The following USP20 variants were observed in gnomAD, a reference collection of about 807,000 sequenced individuals.
The protein encoded by USP20 is ubiquitin carboxyl-terminal hydrolase 20.
Under a neutral mutation model 124.2 loss-of-function variants are expected in USP20, and 80 were observed. The ratio of observed to expected loss-of-function variants is 0.64; its 90% CI spans 0.54 to 0.78. The LOEUF (loss-of-function observed/expected upper bound fraction) is 0.78, where lower values mean the gene tolerates loss of function less well. USP20 is among the 30% of genes least tolerant of loss of function. USP20 has a pLI of 0.00. For missense variants in USP20, 1,043 were observed against 1,244.4 expected, an observed-to-expected ratio of 0.84 and a Z score of 2.44; for synonymous variants, 481 against 512.3, an observed-to-expected ratio of 0.94 and a Z score of 0.83.
chr9:129,875,744 C>T, intron 21 of USP20, 103 bp downstream of exon 21: 2 of 1,145,988 alleles, frequency 1.7e-6, no homozygotes, highest in South Asian at 1.4e-5. Context: ...CCCCACACCA[C>T]ACTCTGGCCT....
At chr9:129,866,062 C>G (rs72757205) in intron 10 of USP20, among the ~76,000 whole-genome samples, 1 of 152,224 alleles carries the variant, frequency 6.6e-6, no homozygotes, top group Non-Finnish European at 1.5e-5. Context: ...ACCTCAGCCC[C>G]GGGCTGATGG....
In USP20 at chr9:129,869,732, C is replaced by A. The variant is rs372915705; in HGVS notation, c.1453C>A (p.Leu485Met). The A allele has an allele frequency of 2.5e-6, 4 of 1,614,128 alleles. No homozygotes were observed. The highest frequency in any genetic ancestry group is 3.4e-6 in the Non-Finnish European group (4 of 1,180,034). ...ACTGCCCATTCCTGGAAAGGAGGAC[C>A]TGGCCAAGCTCCATTCAGCCATCTA... ...LSLPIPGKED[L>M]AKLHSAIYQN... Residue 485 changes from leucine to methionine, a missense_variant, in exon 14 of 26, where the codon CTG (leucine) becomes ATG (methionine). By Grantham distance (15) the Leu-to-Met change is conservative. Transcript: ENST00000372429.
chr9:129,880,207 G>A lies in USP20; in HGVS notation c.2679G>A (p.Ala893=), dbSNP rs770163008. 25 of 1,613,414 alleles carry A rather than the reference G, an allele frequency of 1.5e-5. No homozygotes were observed. The highest frequency in any genetic ancestry group is 6.7e-5 in the African/African-American group (5 of 74,930). The change falls in exon 25 of 26, where the codon GCG becomes GCA. Residue 893 remains alanine (A), a synonymous_variant. Transcript: ENST00000372429. ...AGATTGCCATCCGCCAGAGTGTGGC[G>A]CAGCCGCTGGGCCCAGAGAACCTGC... ...GPEIAIRQSV[A]QPLGPENLHG...
At chr9:129,841,753 C>T (rs974620540) in intron 1 of USP20, among the ~76,000 whole-genome samples, 5 of 152,170 alleles carry the variant, frequency 3.3e-5, no homozygotes, top group African/African-American at 1.2e-4. Flanking sequence ...AGTTGCCTTT[C>T]CTGGCTTTTT....
At chr9:129,843,833 G>A (rs1025624539) in intron 1 of USP20, among the ~76,000 whole-genome samples, 3 of 152,194 alleles carry the variant, frequency 2.0e-5, no homozygotes, top group African/African-American at 4.8e-5. Flanking sequence ...GGAGTCCAAG[G>A]CAGGCAGATT....
intron 8 of USP20, among the ~76,000 whole-genome samples, chr9:129,861,900 C>T (rs2033568897): frequency 6.6e-6 from 1 of 152,122 alleles, no homozygotes; most frequent in South Asian, 2.1e-4. Context: ...ATTCTCATAG[C>T]CCTTGCAGCA....
intron 22 of USP20, among the ~76,000 whole-genome samples, chr9:129,877,089 G>T (rs899087681): frequency 6.6e-6 from 1 of 152,156 alleles, no homozygotes; most frequent in Non-Finnish European, 1.5e-5. Context: ...TTCTGTGAGG[G>T]AGCTGAGTGC....
At position 129,873,572 on chromosome 9, in the gene USP20, C is replaced by A. The variant is rs371366216; in HGVS notation, c.1694+57C>A. ...CTGCCGTTTCTGTGCCCTACATATT[C>A]CCCTTGGGTTCCTGCAGAGAGCCCC... On this transcript the variant is annotated intron_variant, in intron 16 of 25. Coordinates refer to ENST00000372429, the MANE Select transcript of USP20 (RefSeq NM_001110303.4). The A allele has an allele frequency of 7.7e-5, 125 of 1,613,560 alleles. No individual in the cohort carries two copies. In the African/African-American group the frequency reaches 1.5e-3, roughly 19 times the overall value.
At chr9:129,867,032 A>T (rs1001330583) in intron 10 of USP20, among the ~76,000 whole-genome samples, 16 of 152,240 alleles carry the variant, frequency 1.1e-4, no homozygotes, top group African/African-American at 3.9e-4. Context: ...GATGTGTGAC[A>T]TGAGGCTGGC....
chr9:129,861,452 G>A, intron 7 of USP20, 91 bp from the exon 8 acceptor site: 1 of 1,211,326 alleles, frequency 8.3e-7, no homozygotes, highest in Non-Finnish European at 1.2e-6. Context: ...GGGCAGTTGA[G>A]AGCCACACCT....
intron 6 of USP20, among the ~76,000 whole-genome samples, chr9:129,859,535 A>G (rs1022604994): frequency 1.1e-4 from 17 of 151,742 alleles, no homozygotes; most frequent in Admixed American, 6.6e-5. Flanking sequence ...TGGCCTCCCA[A>G]AGTGCTGGGA....
chr9:129,865,525 C>T (rs2033781133), intron 10 of USP20, 144 bp downstream of exon 10: 2 of 808,024 alleles, frequency 2.5e-6, no homozygotes, highest in East Asian at 2.7e-5. Context: ...CTCCTAAGCC[C>T]TTCACACGTG....
chr9:129,863,618 G>A (rs575942408), intron 9 of USP20, among the ~76,000 whole-genome samples: 1 of 152,302 alleles, frequency 6.6e-6, no homozygotes, highest in African/African-American at 2.4e-5. Flanking sequence ...ATGGTGACCC[G>A]GCCTCAGCCA....
At chr9:129,859,759 G>A (rs2033438430) in intron 6 of USP20, among the ~76,000 whole-genome samples, 1 of 152,204 alleles carries the variant, frequency 6.6e-6, no homozygotes, top group Non-Finnish European at 1.5e-5. Context: ...TACAGGCTGG[G>A]CGCCATGGCT....
intron 6 of USP20, among the ~76,000 whole-genome samples, chr9:129,860,199 G>A (rs775546313): frequency 6.6e-6 from 1 of 151,856 alleles, no homozygotes; most frequent in Non-Finnish European, 1.5e-5. Context: ...GCATAGTAGC[G>A]GGCACCTGTA....
intron 3 of USP20, among the ~76,000 whole-genome samples, chr9:129,854,712 A>G (rs769502533): frequency 1.5e-4 from 23 of 152,188 alleles, no homozygotes; most frequent in Non-Finnish European, 3.2e-4. Context: ...TGACAAATTC[A>G]GGAAGGTTTG....
rs760970901 is a variant in USP20, at chr9:129,871,006, C to T, written c.1660+459C>T. Among the ~76,000 whole-genome samples, 32 of 151,978 alleles carry T rather than the reference C, an allele frequency of 2.1e-4. 1 individual carries two copies. Among genetic ancestry groups the T allele is most frequent in the Non-Finnish European group, 4.0e-4 (27 of 67,996 alleles). ...TCCAATTTTCAATTGCGATAAAATACACAAAATGTAAAATTTACCACCATA... is the reference window on the plus strand; with the variant it reads ...TCCAATTTTCAATTGCGATAAAATATACAAAATGTAAAATTTACCACCATA... On this transcript the variant is annotated intron_variant, in intron 15 of 25. Transcript: ENST00000372429.
rs1159489842 is a variant in USP20 at position 129,846,228 on chromosome 9, C to CATAT, written c.-128-3568_-128-3565dup. On this transcript the variant is annotated intron_variant, in intron 1 of 25. Coordinates refer to ENST00000372429, the MANE Select transcript of USP20 (RefSeq NM_001110303.4). ...ACAGTCGTGAGCCACTGCGCCCAGC[C>CATAT]ATATATATATATATATATATTTTTT... Among the ~76,000 whole-genome samples the CATAT allele has an allele frequency of 9.2e-3, 549 of 59,408 alleles. 31 individuals carry two copies. The highest frequency in any genetic ancestry group is 0.021 in the African/African-American group (279 of 13,034). The allele number at this position is 59,408 out of a possible 152,430, so 39.0% of individuals were successfully genotyped here.
At chr9:129,854,359 G>C (rs2033101563) in intron 3 of USP20, among the ~76,000 whole-genome samples, 1 of 152,186 alleles carries the variant, frequency 6.6e-6, no homozygotes, top group Non-Finnish European at 1.5e-5. Context: ...TATTCCTCAA[G>C]AAAGGAATGG....
Sources: allele counts gnomAD v4.1 joint callset (sites outside exome capture counted in the v4.1 genomes callset), GRCh38; gene constraint gnomAD v4.1.1; transcripts MANE v1.5; gene names NCBI Gene and HGNC (gene_info 2026-07-23, HGNC 2026-07-21).